QTMAN: variants seen among roughly 807,000 people sequenced by gnomAD.
QTMAN encodes tRNA-queuosine alpha-mannosyltransferase.
At chr2:144,298,715 G>T in the QTMAN span, among the ~76,000 whole-genome samples, 1 of 152,172 alleles carries the variant, frequency 6.6e-6, no homozygotes, top group Non-Finnish European at 1.5e-5. Flanking sequence ...TCAGGAAAGG[G>T]AGGAGAGGTC....
At chr2:144,276,441 C>A in the QTMAN span, among the ~76,000 whole-genome samples, 85 of 152,198 alleles carry the variant, frequency 5.6e-4, 1 homozygote, top group East Asian at 0.015. Context: ...CCTCCCACCT[C>A]AGGCTCCCAA....
At chr2:144,136,766 T>C in the QTMAN span, among the ~76,000 whole-genome samples, 1 of 152,134 alleles carries the variant, frequency 6.6e-6, no homozygotes, top group Admixed American at 6.6e-5. Context: ...CACTGCAAAA[T>C]TGCTTGACTT....
At chr2:144,148,897 C>G in the QTMAN span, among the ~76,000 whole-genome samples, 1 of 151,818 alleles carries the variant, frequency 6.6e-6, no homozygotes, top group Non-Finnish European at 1.5e-5. Flanking sequence ...CTTGAAATAG[C>G]CCTCACTAGT....
chr2:144,253,455 A>T, the QTMAN span, among the ~76,000 whole-genome samples: 1 of 152,328 alleles, frequency 6.6e-6, no homozygotes, highest in South Asian at 2.1e-4. Flanking sequence ...AATGTGGGAA[A>T]GTTTGGAACT....
chr2:144,057,941 G>A, the QTMAN span, among the ~76,000 whole-genome samples: 2 of 152,064 alleles, frequency 1.3e-5, no homozygotes, highest in African/African-American at 4.8e-5. Flanking sequence ...CTCCCAAGTA[G>A]CTGCTGGGAC....
At chr2:144,271,423 C>A in the QTMAN span, among the ~76,000 whole-genome samples, 1 of 152,156 alleles carries the variant, frequency 6.6e-6, no homozygotes. Flanking sequence ...ACAGAAGGAA[C>A]CAGACTAGCC....
At chr2:143,980,187 C>A in the QTMAN span, among the ~76,000 whole-genome samples, 1 of 152,084 alleles carries the variant, frequency 6.6e-6, no homozygotes, top group Admixed American at 6.5e-5. Flanking sequence ...TCCCTCCTCC[C>A]CCACCAACCC....
the QTMAN span, among the ~76,000 whole-genome samples, chr2:144,045,790 A>G: frequency 6.6e-6 from 1 of 152,200 alleles, no homozygotes; most frequent in African/African-American, 2.4e-5. Flanking sequence ...GCAGGAAGAG[A>G]GAGGAAGGAG....
the QTMAN span, among the ~76,000 whole-genome samples, chr2:144,223,461 A>G: frequency 6.6e-6 from 1 of 152,096 alleles, no homozygotes; most frequent in East Asian, 1.9e-4. Flanking sequence ...CTTTACTACC[A>G]CTTTGTTGAC....
the QTMAN span, among the ~76,000 whole-genome samples, chr2:144,015,072 AT>A: frequency 6.6e-6 from 1 of 152,194 alleles, no homozygotes; most frequent in Non-Finnish European, 1.5e-5. Flanking sequence ...ATTTTATAAA[AT>A]CCCTTTAGGA....
chr2:144,258,660 TAAG>T, the QTMAN span, among the ~76,000 whole-genome samples: 1 of 152,070 alleles, frequency 6.6e-6, no homozygotes, highest in African/African-American at 2.4e-5. Context: ...AAGCTCTTCT[TAAG>T]AAGTGTATAC....
chr2:144,070,265 C>G, the QTMAN span, among the ~76,000 whole-genome samples: 1 of 152,026 alleles, frequency 6.6e-6, no homozygotes, highest in African/African-American at 2.4e-5. Context: ...ATAAGTCATT[C>G]TTCTAAAATA....
chr2:144,001,044 A>C, the QTMAN span, among the ~76,000 whole-genome samples: 1 of 151,966 alleles, frequency 6.6e-6, no homozygotes, highest in African/African-American at 2.4e-5. Flanking sequence ...TACTCACCAT[A>C]CTTTTCCTAA....
At chr2:144,165,730 AGCT>A in the QTMAN span, among the ~76,000 whole-genome samples, 1 of 152,194 alleles carries the variant, frequency 6.6e-6, no homozygotes, top group Non-Finnish European at 1.5e-5. Flanking sequence ...TTATTGTTGT[AGCT>A]GCAGGCACAA....
the QTMAN span, among the ~76,000 whole-genome samples, chr2:144,262,445 CTA>C: frequency 6.6e-6 from 1 of 151,248 alleles, no homozygotes. Flanking sequence ...TGGGTCACAC[CTA>C]TAGCCTCAGC....
At chr2:144,117,462 T>A in the QTMAN span, among the ~76,000 whole-genome samples, 1 of 152,274 alleles carries the variant, frequency 6.6e-6, no homozygotes, top group South Asian at 2.1e-4. Context: ...TAGGAAAAAA[T>A]TATAAAACAT....
chr2:144,243,072 A>C, the QTMAN span, among the ~76,000 whole-genome samples: 1 of 152,078 alleles, frequency 6.6e-6, no homozygotes, highest in Admixed American at 6.5e-5. Flanking sequence ...TTAGGCTTAC[A>C]TATGGCTAAA....
chr2:144,232,054 A>G, the QTMAN span, among the ~76,000 whole-genome samples: 8 of 152,174 alleles, frequency 5.3e-5, no homozygotes, highest in African/African-American at 1.2e-4. Flanking sequence ...TTTAATTCAT[A>G]TAACTTAACA....
the QTMAN span, among the ~76,000 whole-genome samples, chr2:144,016,541 C>T: frequency 1.3e-5 from 2 of 152,102 alleles, no homozygotes; most frequent in African/African-American, 2.4e-5. Context: ...GTTCTCATTA[C>T]CTTTGGAATT....
Sources: gnomAD v4.1 joint callset for allele counts (sites outside exome capture counted in the v4.1 genomes callset) on GRCh38, gnomAD v4.1.1 for gene constraint, MANE v1.5 for transcripts, NCBI Gene and HGNC (gene_info 2026-07-23, HGNC 2026-07-21) for gene names.